RIMS2: variants seen among roughly 807,000 people sequenced by gnomAD.
RIMS2 encodes regulating synaptic membrane exocytosis protein 2.
A neutral mutation model predicts 174.4 loss-of-function variants in RIMS2; 59 were observed. The observed-to-expected ratio is 0.34, with a 90% CI of 0.27 to 0.42. The LOEUF (loss-of-function observed/expected upper bound fraction) is 0.42. Ranked by LOEUF, RIMS2 falls within the 10% of genes least tolerant of loss-of-function variation. The pLI, the probability that RIMS2 is intolerant of heterozygous loss-of-function variation, is 1.00. For missense variants in RIMS2, 1,620 were observed against 1,666.3 expected, an observed-to-expected ratio of 0.97 and a Z score of 0.48; for synonymous variants, 606 against 572.5, an observed-to-expected ratio of 1.06 and a Z score of -0.84.
intron 14 of RIMS2, among the ~76,000 whole-genome samples, chr8:103,949,016 A>G (rs55773317): frequency 0.13 from 18,981 of 149,292 alleles, 1,664 homozygotes; most frequent in Non-Finnish European, 0.19. Flanking sequence ...AGTTCCAGCT[A>G]CTTGAGAGGA....
At chr8:103,907,908 GCTAA>G (rs2074811400) in intron 4 of RIMS2, among the ~76,000 whole-genome samples, 1 of 151,456 alleles carries the variant, frequency 6.6e-6, no homozygotes, top group Non-Finnish European at 1.5e-5. Flanking sequence ...ACCATGCCCG[GCTAA>G]CTTTTTGTAT....
At chr8:103,504,797 A>C in intron 1 of RIMS2, among the ~76,000 whole-genome samples, 2 of 151,262 alleles carry the variant, frequency 1.3e-5, no homozygotes, top group Middle Eastern at 6.9e-3. Flanking sequence ...TTAATTTATA[A>C]AATTTTGAAA....
Position 103,603,601 on chromosome 8 carries a change from T to A in RIMS2, c.177-93485T>A, listed in dbSNP as rs559943839. Among the ~76,000 whole-genome samples the A allele has an allele frequency of 1.4e-4, 21 of 152,034 alleles. 2 individuals carry two copies. The South Asian group carries it at 4.4e-3, about 32-fold the overall frequency. ...GACTTCCACAATGGTTGAACTAGTTTACAGTCCCACCAACAGTGTAAAAGT... is the reference window on the plus strand; with the variant it reads ...GACTTCCACAATGGTTGAACTAGTTAACAGTCCCACCAACAGTGTAAAAGT... On this transcript the variant is annotated intron_variant, in intron 1 of 23. Coordinates refer to ENST00000504942, the Ensembl canonical transcript of RIMS2.
chr8:103,792,061 C>G (rs2098504291), intron 3 of RIMS2, among the ~76,000 whole-genome samples: 1 of 152,128 alleles, frequency 6.6e-6, no homozygotes, highest in Non-Finnish European at 1.5e-5. Context: ...CAGCTCTGCA[C>G]CAAGCGGACT....
At chr8:104,237,989 G>A (rs1462285715) in intron 19 of RIMS2, among the ~76,000 whole-genome samples, 1 of 152,004 alleles carries the variant, frequency 6.6e-6, no homozygotes, top group Non-Finnish European at 1.5e-5. Flanking sequence ...GCTGATGGGA[G>A]GGAAGTTATA....
At chr8:104,201,204 C>T (rs959349830) in intron 19 of RIMS2, among the ~76,000 whole-genome samples, 9 of 152,046 alleles carry the variant, frequency 5.9e-5, no homozygotes, top group Non-Finnish European at 8.8e-5. Context: ...AAGGCTGAGA[C>T]AAAGTTTTAA....
chr8:103,607,649 A>C (rs547634336), intron 1 of RIMS2, among the ~76,000 whole-genome samples: 79 of 141,194 alleles, frequency 5.6e-4, no homozygotes, highest in African/African-American at 2.1e-3. Context: ...AATCAGACGT[A>C]GATTTGGTCT....
chr8:103,722,903 A>AT (rs367994758), intron 2 of RIMS2, among the ~76,000 whole-genome samples: 1 of 151,958 alleles, frequency 6.6e-6, no homozygotes, highest in African/African-American at 2.4e-5. Flanking sequence ...ATTTATTTTC[A>AT]TTTTCAAGAC....
chr8:103,618,773 G>A (rs112329328), intron 1 of RIMS2, among the ~76,000 whole-genome samples: 3 of 152,218 alleles, frequency 2.0e-5, no homozygotes, highest in African/African-American at 7.2e-5. Context: ...CCAGCTGGGG[G>A]ACTACTTTAA....
Position 103,889,830 on chromosome 8 carries a change from A to G in RIMS2, c.1624+3607A>G, listed in dbSNP as rs577796887. Among the ~76,000 whole-genome samples the G allele has an allele frequency of 3.9e-5, 6 of 152,006 alleles. 1 individual carries two copies. The highest frequency in any genetic ancestry group is 4.1e-4 in the South Asian group (2 of 4,822). The stretch of plus-strand genomic sequence containing the variant: ...TTCATTCAGTATGTTCTGTTAAATG[A>G]TGCTGCTAATTACAATGACTGGGCC... On this transcript the variant is annotated intron_variant, in intron 4 of 23. Transcript: ENST00000504942.
intron 19 of RIMS2, among the ~76,000 whole-genome samples, chr8:104,188,868 G>T (rs982651606): frequency 5.3e-5 from 8 of 151,614 alleles, no homozygotes; most frequent in African/African-American, 1.9e-4. Context: ...TTTCTATTCT[G>T]CAAAGAAAGA....
chr8:104,065,516 G>T (rs2097090434), intron 19 of RIMS2, among the ~76,000 whole-genome samples: 1 of 152,106 alleles, frequency 6.6e-6, no homozygotes, highest in African/African-American at 2.4e-5. Flanking sequence ...ATCTATAGGA[G>T]ACTTTTCTCT....
rs879435060 is a variant in RIMS2, at chr8:103,851,912, C to CA, written c.699-33375dup. Among the ~76,000 whole-genome samples, 1,323 of 144,516 alleles carry CA rather than the reference C, an allele frequency of 9.2e-3. 18 individuals are homozygous for CA. The highest frequency in any genetic ancestry group is 0.031 in the African/African-American group (1,232 of 39,604). The allele number at this position is 144,516 out of a possible 152,430, so 94.8% of individuals were successfully genotyped here. On this transcript the variant is annotated intron_variant, in intron 3 of 23. Transcript: ENST00000504942. ...TTGTATGGTTCAGCCCTGTAAAGAA[C>CA]AAAAAAAAAAATTAGAACTAGCTAG... is the stretch of plus-strand genomic sequence containing the variant.
At chr8:103,953,889 A>G (rs1004006887) in intron 14 of RIMS2, among the ~76,000 whole-genome samples, 1 of 152,144 alleles carries the variant, frequency 6.6e-6, no homozygotes, top group Non-Finnish European at 1.5e-5. Flanking sequence ...ATAGGCTCAA[A>G]ATAAAGGGAT....
chr8:103,778,404 C>G (rs995529686), intron 3 of RIMS2, among the ~76,000 whole-genome samples: 1 of 152,044 alleles, frequency 6.6e-6, no homozygotes. Context: ...CCTCCTTATG[C>G]TCCTTCCCTC....
intron 1 of RIMS2, among the ~76,000 whole-genome samples, chr8:103,658,001 C>T (rs1254108003): frequency 2.0e-5 from 3 of 152,196 alleles, no homozygotes; most frequent in Non-Finnish European, 4.4e-5. Flanking sequence ...TTCAGGTTCA[C>T]ATTTGTTCAC....
intron 17 of RIMS2, among the ~76,000 whole-genome samples, chr8:103,994,586 G>A (rs1596608351): frequency 6.6e-6 from 1 of 152,128 alleles, no homozygotes; most frequent in East Asian, 1.9e-4. Context: ...GTTCAGTGGA[G>A]AAGTGTAATA....
rs577243871 is a variant in RIMS2, at chr8:103,934,259, G to C, written c.2376-2292G>C. 5.9e-5 allele frequency among the ~76,000 whole-genome samples: 9 copies of C among 152,104 alleles called. 1 individual carries two copies. The South Asian group carries it at 1.9e-3, about 32-fold the overall frequency. Reference sequence around the variant, plus strand: ...AAGTTAACTACCTTCTTAGCAATTTGATGATTCATTAAAAGATCATTTATT... The same window carrying C: ...AAGTTAACTACCTTCTTAGCAATTTCATGATTCATTAAAAGATCATTTATT... On this transcript the variant is annotated intron_variant, in intron 12 of 23. Transcript: ENST00000504942.
chr8:103,812,331 G>GTTT (rs71575985), intron 3 of RIMS2, among the ~76,000 whole-genome samples: 7,636 of 109,440 alleles, frequency 0.07, 341 homozygotes, highest in East Asian at 0.11. Flanking sequence ...TTATTACCTT[G>GTTT]TTTTTTTTTT....
Sources: allele counts gnomAD v4.1 joint callset (sites outside exome capture counted in the v4.1 genomes callset), GRCh38; gene constraint gnomAD v4.1.1; transcripts MANE v1.5; gene names NCBI Gene and HGNC (gene_info 2026-07-23, HGNC 2026-07-21).